Variants in VWA3A observed in about 807,000 individuals in gnomAD.
VWA3A encodes the protein von Willebrand factor A domain containing 3A.
Under a neutral mutation model 160.4 loss-of-function variants are expected in VWA3A, and 134 were observed. That is an observed-to-expected ratio of 0.84 (90% CI 0.73 to 0.96). The LOEUF is 0.96. VWA3A is among the 40% of genes least tolerant of loss of function. The probability of loss-of-function intolerance (pLI) is 0.00; values close to 1 mark genes in which losing one functional copy is unlikely to be tolerated. For synonymous variants in VWA3A, 476 were observed against 543.4 expected, an observed-to-expected ratio of 0.88 and a Z score of 1.72; for missense variants, 1,310 against 1,447.9, an observed-to-expected ratio of 0.90 and a Z score of 1.55.
In VWA3A at chr16:22,119,146, C is replaced by A. The variant is rs950462812; in HGVS notation, c.1116+119C>A. On this transcript the variant is annotated intron_variant, in intron 12 of 33. Coordinates refer to ENST00000389398, the MANE Select transcript of VWA3A (RefSeq NM_173615.5). ...GCCAGTGCCTGTCACTTCCTAAAAT[C>A]GAAACAAGGCAAGGCCCACCCTCCA... The A allele has an allele frequency of 2.7e-5, 37 of 1,381,218 alleles. No homozygotes were observed. In the East Asian group the frequency reaches 8.5e-4, roughly 32 times the overall value. The allele number at this position is 1,381,218 out of a possible 1,614,324, so 85.6% of individuals were successfully genotyped here.
intron 27 of VWA3A, among the ~76,000 whole-genome samples, 170 bp downstream of exon 27, chr16:22,146,514 T>C (rs2046254114): frequency 1.3e-5 from 2 of 151,958 alleles, no homozygotes; most frequent in Admixed American, 1.3e-4. Context: ...AGGCCGGGCG[T>C]GGTGGCTCAT....
chr16:22,117,289 C>A (rs2045665379), intron 11 of VWA3A, 113 bp downstream of exon 11: 1 of 1,138,076 alleles, frequency 8.8e-7, no homozygotes, highest in Non-Finnish European at 1.3e-6. Context: ...CTCCTTTTCT[C>A]CTTGTCCCCA....
intron 27 of VWA3A, 124 bp downstream of exon 27, chr16:22,146,468 G>A: frequency 1.3e-6 from 1 of 752,754 alleles, no homozygotes; most frequent in Non-Finnish European, 2.1e-6. Flanking sequence ...AGAGGATTAG[G>A]CCAGGAACAT....
intron 3 of VWA3A, 34 bp downstream of exon 3, chr16:22,097,729 A>G: frequency 6.5e-7 from 1 of 1,550,048 alleles, no homozygotes; most frequent in Non-Finnish European, 8.7e-7. Context: ...GGGTCGTGAT[A>G]CTACAAATCA....
intron 14 of VWA3A, among the ~76,000 whole-genome samples, chr16:22,122,439 T>C (rs976099758): frequency 6.8e-6 from 1 of 147,202 alleles, no homozygotes; most frequent in African/African-American, 2.5e-5. Context: ...AAGTAGAAAT[T>C]AAAGTAAGGA....
chr16:22,114,881 C>T (rs1012965867), intron 8 of VWA3A, among the ~76,000 whole-genome samples: 3 of 151,808 alleles, frequency 2.0e-5, no homozygotes. Flanking sequence ...TCTCAGCTCA[C>T]TGCAACCTTC....
chr16:22,096,305 T>C (rs542027281), intron 1 of VWA3A, among the ~76,000 whole-genome samples: 1 of 152,128 alleles, frequency 6.6e-6, no homozygotes, highest in Non-Finnish European at 1.5e-5. Context: ...ATGAATTAAT[T>C]AAAGAAGAGT....
chr16:22,152,432 T>A, intron 30 of VWA3A, 79 bp from the exon 31 acceptor site: 1 of 1,557,900 alleles, frequency 6.4e-7, no homozygotes, highest in Non-Finnish European at 8.7e-7. Context: ...CGGACTTAAG[T>A]TCCCCATGGA....
intron 1 of VWA3A, among the ~76,000 whole-genome samples, chr16:22,093,506 G>A (rs1383110186): frequency 3.9e-5 from 6 of 152,238 alleles, no homozygotes; most frequent in South Asian, 2.1e-4. Flanking sequence ...CCCAGCACCC[G>A]TTCTCTCTGG....
At position 22,115,470 on chromosome 16, in the gene VWA3A, C is replaced by T; in HGVS notation, c.813C>T (p.Ser271=). The change falls in exon 9 of 34, where the codon AGC becomes AGT. Residue 271 remains serine (S), a splice_region_variant and synonymous_variant. Coordinates refer to ENST00000389398, the MANE Select transcript of VWA3A (RefSeq NM_173615.5). ...ATTCCCTGGTGGCCATCATGAGAAGCTGGTAGGTCTTCTTTCCTAAGCAGG... is the reference window on the plus strand; with the variant it reads ...ATTCCCTGGTGGCCATCATGAGAAGTTGGTAGGTCTTCTTTCCTAAGCAGG... The part of the protein sequence containing the change: ...GLDSLVAIMR[S]CPDQPSEILS... The T allele has an allele frequency of 6.2e-7, 1 of 1,603,424 alleles. No individual in the cohort carries two copies. Among genetic ancestry groups the T allele is most frequent in the Non-Finnish European group, 8.5e-7 (1 of 1,176,312 alleles).
chr16:22,144,450 A>G, intron 26 of VWA3A, 66 bp downstream of exon 26: 1 of 1,578,488 alleles, frequency 6.3e-7, no homozygotes, highest in Non-Finnish European at 8.6e-7. Context: ...GGCAGAGAGC[A>G]GTGTAGGGCA....
intron 17 of VWA3A, among the ~76,000 whole-genome samples, chr16:22,127,684 C>T (rs2045875121): frequency 6.6e-6 from 1 of 152,164 alleles, no homozygotes; most frequent in Non-Finnish European, 1.5e-5. Flanking sequence ...TTTACCCATT[C>T]ATTCATTCAG....
Position 22,131,459 on chromosome 16 carries a change from C to T in VWA3A, c.1728-126C>T. 2.7e-6 allele frequency: 4 copies of T among 1,490,868 alleles called. No homozygotes were observed. In the South Asian group the frequency reaches 3.9e-5, roughly 14 times the overall value. The allele number at this position is 1,490,868 out of a possible 1,614,324, so 92.4% of individuals were successfully genotyped here. On this transcript the variant is annotated intron_variant, in intron 18 of 33. Transcript: ENST00000389398. Reference sequence around the variant, plus strand: ...GCTGCTCTCCCCACCTGGCCATCTTCACTTTATGAGAGTGATGACATCGAC... The same window carrying T: ...GCTGCTCTCCCCACCTGGCCATCTTTACTTTATGAGAGTGATGACATCGAC...
At chr16:22,094,026 A>G (rs1901442883) in intron 1 of VWA3A, among the ~76,000 whole-genome samples, 1 of 151,756 alleles carries the variant, frequency 6.6e-6, no homozygotes, top group African/African-American at 2.4e-5. Flanking sequence ...TCCCTGCCTC[A>G]GCCTCCCAAT....
chr16:22,109,631 C>A, intron 7 of VWA3A, 51 bp downstream of exon 7: 1 of 1,504,762 alleles, frequency 6.6e-7, no homozygotes, highest in East Asian at 2.3e-5. Flanking sequence ...CTACCCCCAG[C>A]CTTTCCTTCC....
chr16:22,108,634 G>A (rs2045513230), intron 6 of VWA3A, among the ~76,000 whole-genome samples: 1 of 152,258 alleles, frequency 6.6e-6, no homozygotes, highest in South Asian at 2.1e-4. Flanking sequence ...AATTCAACAG[G>A]AAAATTAGAT....
At chr16:22,117,838 G>GCA (rs2045672030) in intron 11 of VWA3A, among the ~76,000 whole-genome samples, 1 of 152,156 alleles carries the variant, frequency 6.6e-6, no homozygotes, top group Admixed American at 6.5e-5. Flanking sequence ...CAAGGTCCCT[G>GCA]CTTTTCATAG....
intron 11 of VWA3A, among the ~76,000 whole-genome samples, chr16:22,117,854 A>T (rs2045672378): frequency 6.6e-6 from 1 of 152,172 alleles, no homozygotes; most frequent in Admixed American, 6.5e-5. Flanking sequence ...CATAGCAGGG[A>T]GCCAAGCTCA....
chr16:22,092,713 C>T (rs1810130329), intron 1 of VWA3A, 62 bp downstream of exon 1: 1 of 1,543,260 alleles, frequency 6.5e-7, no homozygotes, highest in Non-Finnish European at 8.8e-7. Context: ...AGGCCAGATA[C>T]TAAGCTCTGG....
Sources: gnomAD v4.1 joint callset for allele counts (sites outside exome capture counted in the v4.1 genomes callset) on GRCh38, gnomAD v4.1.1 for gene constraint, MANE v1.5 for transcripts, NCBI Gene and HGNC (gene_info 2026-07-23, HGNC 2026-07-21) for gene names.